NTN4: variants seen among roughly 807,000 people sequenced by gnomAD.
The protein encoded by NTN4 is netrin-4.
A neutral mutation model predicts 73.6 loss-of-function variants in NTN4; 32 were observed. The ratio of observed to expected loss-of-function variants is 0.44; its 90% confidence interval spans 0.33 to 0.58. The LOEUF (loss-of-function observed/expected upper bound fraction) is 0.58, where lower values mean the gene tolerates loss of function less well. NTN4 is among the 20% of genes least tolerant of loss of function. The pLI is 0.04. For synonymous variants in NTN4, 258 were observed against 287.5 expected (o/e 0.90, Z 1.04); for missense variants, 654 against 798.3 (o/e 0.82, Z 2.18).
intron 2 of NTN4, among the ~76,000 whole-genome samples, chr12:95,749,766 C>T (rs2078890070): frequency 6.7e-6 from 1 of 150,208 alleles, no homozygotes; most frequent in South Asian, 2.1e-4. Flanking sequence ...GTACCCCAAC[C>T]CCTTCTCTCC....
At chr12:95,681,007 G>A (rs1592660746) in intron 7 of NTN4, among the ~76,000 whole-genome samples, 1 of 152,076 alleles carries the variant, frequency 6.6e-6, no homozygotes, top group Non-Finnish European at 1.5e-5. Flanking sequence ...GGCCAACATA[G>A]TGAAACCCCA....
At chr12:95,673,156 C>T in intron 7 of NTN4, 1 of 674,774 alleles carries the variant, frequency 1.5e-6, no homozygotes, top group Non-Finnish European at 2.5e-6. Context: ...GCCACACTGA[C>T]CACATCTGTA....
intron 5 of NTN4, among the ~76,000 whole-genome samples, chr12:95,698,455 A>C (rs2078458320): frequency 6.6e-6 from 1 of 152,184 alleles, no homozygotes; most frequent in Non-Finnish European, 1.5e-5. Context: ...TTATTCAGTG[A>C]ATTACTGCAT....
chr12:95,737,948 C>T lies in NTN4; in HGVS notation c.782G>A (p.Ser261Asn), dbSNP rs1476145975. The T allele has an allele frequency of 5.0e-6, 8 of 1,613,980 alleles. No homozygotes were observed. The highest frequency in any genetic ancestry group is 6.8e-6 in the Non-Finnish European group (8 of 1,180,010). Reference protein sequence around the residue: ...YAIYDFIVKGSCFCNGHADQC... With the variant: ...YAIYDFIVKGNCFCNGHADQC... Reference sequence around the variant, plus strand: ...ATCAGCGTGGCCATTGCAGAAGCAGCTGCCCTTGACAATGAAATCATAGAT... The same window carrying T: ...ATCAGCGTGGCCATTGCAGAAGCAGTTGCCCTTGACAATGAAATCATAGAT... Residue 261 changes from serine to asparagine, a missense_variant, in exon 3 of 10, where the codon AGC becomes AAC. Physicochemically the swap from Ser to Asn is conservative, Grantham distance 46. Transcript: ENST00000343702.
chr12:95,674,622 G>GTGTT (rs1374297758), intron 7 of NTN4, among the ~76,000 whole-genome samples: 4 of 152,138 alleles, frequency 2.6e-5, no homozygotes, highest in African/African-American at 9.7e-5. Flanking sequence ...GAAATTAAGG[G>GTGTT]TGTTTTGTTG....
At chr12:95,700,996 TAG>T (rs927541405) in intron 5 of NTN4, among the ~76,000 whole-genome samples, 1 of 152,010 alleles carries the variant, frequency 6.6e-6, no homozygotes, top group Non-Finnish European at 1.5e-5. Flanking sequence ...GTATTTTTAG[TAG>T]AGACAGGGTT....
At chr12:95,734,792 C>G (rs2078762970) in intron 3 of NTN4, among the ~76,000 whole-genome samples, 2 of 152,184 alleles carry the variant, frequency 1.3e-5, no homozygotes, top group African/African-American at 4.8e-5. Context: ...GTAATCCCAG[C>G]ACTTTGGGAG....
At chr12:95,700,115 T>A (rs928286782) in intron 5 of NTN4, among the ~76,000 whole-genome samples, 5 of 117,756 alleles carry the variant, frequency 4.2e-5, no homozygotes, top group African/African-American at 7.3e-5. Context: ...TTTTTTTTTT[T>A]ACTTAGGGTC....
intron 9 of NTN4, among the ~76,000 whole-genome samples, chr12:95,662,872 CT>C (rs1162616967): frequency 2.0e-5 from 3 of 152,122 alleles, no homozygotes; most frequent in Non-Finnish European, 4.4e-5. Flanking sequence ...AATCCCAGTG[CT>C]TTGGGAGGCC....
In NTN4 at chr12:95,682,722, C is replaced by T; in HGVS notation, c.1495G>A (p.Ala499Thr). The change falls in exon 7 of 10, where the codon GCA becomes ACA. Residue 499 changes from alanine (A) to threonine (T), a missense_variant. Physicochemically the swap from Ala to Thr is moderately conservative, Grantham distance 58. Transcript: ENST00000343702. ...TCCATCTCACCTGAGTGTAGAAGTG[C>T]AGAAAACCCCTGCGCATCCTCCCAC... ...WEWEDAQGFS[A>T]LLHSGKCECK... 1.2e-6 allele frequency: 2 copies of T among 1,612,210 alleles called. No individual in the cohort carries two copies. The highest frequency in any genetic ancestry group is 1.7e-6 in the Non-Finnish European group (2 of 1,178,548).
intron 2 of NTN4, among the ~76,000 whole-genome samples, chr12:95,771,135 GC>G (rs747996619): frequency 4.0e-4 from 61 of 152,028 alleles, no homozygotes; most frequent in Non-Finnish European, 6.6e-4. Flanking sequence ...GACTACAGGC[GC>G]CTGCTACCAC....
chr12:95,704,730 C>T (rs2078510900), intron 5 of NTN4, among the ~76,000 whole-genome samples: 1 of 152,184 alleles, frequency 6.6e-6, no homozygotes, highest in South Asian at 2.1e-4. Flanking sequence ...ATTCTGGAAG[C>T]AGATGCCAGT....
chr12:95,743,297 C>T (rs1197795578), intron 2 of NTN4, among the ~76,000 whole-genome samples: 1 of 151,926 alleles, frequency 6.6e-6, no homozygotes, highest in African/African-American at 2.4e-5. Context: ...TTTTCTTTTT[C>T]ATTGGTTTCT....
At chr12:95,725,349 A>G (rs2121131710) in intron 3 of NTN4, among the ~76,000 whole-genome samples, 1 of 152,244 alleles carries the variant, frequency 6.6e-6, no homozygotes, top group African/African-American at 2.4e-5. Context: ...AGTTGTTATA[A>G]TTAGTTGGGG....
chr12:95,773,089 G>A (rs1205406918), intron 2 of NTN4, among the ~76,000 whole-genome samples: 10 of 151,154 alleles, frequency 6.6e-5, no homozygotes, highest in Admixed American at 4.6e-4. Flanking sequence ...TGCAACCTCC[G>A]CCCTCCGGGG....
Position 95,713,102 on chromosome 12 carries a change from T to C in NTN4, c.991+110A>G, listed in dbSNP as rs1385388776. The C allele has an allele frequency of 1.8e-5, 24 of 1,317,808 alleles. 1 individual carries two copies. The highest frequency in any genetic ancestry group is 1.6e-4 in the South Asian group (11 of 69,670). The allele number at this position is 1,317,808 out of a possible 1,614,324, so 81.6% of individuals were successfully genotyped here. A position where few individuals can be genotyped will look rare whatever the true frequency, so the allele number is the denominator to read the frequency against. ...GATATGGCTATGTTTGTGTAGGGTC[T>C]AGTGTTTGTCACCCACCACTTTGTG... On this transcript the variant is annotated intron_variant, in intron 4 of 9. Coordinates refer to ENST00000343702, the MANE Select transcript of NTN4 (RefSeq NM_021229.4).
At chr12:95,745,999 C>T (rs115194378) in intron 2 of NTN4, among the ~76,000 whole-genome samples, 3,476 of 152,256 alleles carry the variant, frequency 0.023, 44 homozygotes, top group East Asian at 0.039. Flanking sequence ...GGGTGTAATG[C>T]CCAACCTTGT....
chr12:95,679,655 C>T (rs1380124035), intron 7 of NTN4, among the ~76,000 whole-genome samples: 1 of 152,196 alleles, frequency 6.6e-6, no homozygotes, highest in African/African-American at 2.4e-5. Flanking sequence ...CTCAACCCAG[C>T]TTAAAGTCAT....
intron 3 of NTN4, among the ~76,000 whole-genome samples, chr12:95,726,722 G>C (rs911989240): frequency 6.6e-6 from 1 of 152,140 alleles, no homozygotes; most frequent in African/African-American, 2.4e-5. Flanking sequence ...CAGCACTTTG[G>C]GAGGCCAAGA....
Sources: gnomAD v4.1 joint callset for allele counts (sites outside exome capture counted in the v4.1 genomes callset) on GRCh38, gnomAD v4.1.1 for gene constraint, MANE v1.5 for transcripts, NCBI Gene and HGNC (gene_info 2026-07-23, HGNC 2026-07-21) for gene names.